BICD1: variants seen among roughly 807,000 people sequenced by gnomAD.
BICD1 encodes protein bicaudal D homolog 1.
BICD1 carries 35 observed loss-of-function variants against 92.5 expected under a neutral mutation model. The observed-to-expected ratio is 0.38, with a 90% CI of 0.29 to 0.50. The LOEUF is 0.50. BICD1 is among the 20% of genes least tolerant of loss of function. The pLI, the probability that BICD1 is intolerant of heterozygous loss-of-function variation, is 0.93. For missense variants in BICD1, 950 were observed against 1,189.8 expected, an observed-to-expected ratio of 0.80 and a Z score of 2.97; for synonymous variants, 429 against 465.1, an observed-to-expected ratio of 0.92 and a Z score of 1.00.
chr12:32,346,431 C>T (rs1380918747), intron 8 of BICD1, among the ~76,000 whole-genome samples: 6 of 139,792 alleles, frequency 4.3e-5, no homozygotes, highest in South Asian at 4.7e-4. Flanking sequence ...GTGTGGGGAT[C>T]GCTTGAGCCC....
At chr12:32,346,635 C>A (rs1176788926) in intron 8 of BICD1, among the ~76,000 whole-genome samples, 1 of 25,146 alleles carries the variant, frequency 4.0e-5, no homozygotes, top group Admixed American at 7.9e-4. Flanking sequence ...TATATATATA[C>A]GTGTATATAT....
chr12:32,243,488 T>C (rs187963510), intron 2 of BICD1, among the ~76,000 whole-genome samples: 39 of 152,156 alleles, frequency 2.6e-4, no homozygotes, highest in African/African-American at 7.9e-4. Flanking sequence ...TTAAAAATAA[T>C]TGATCAAATG....
At chr12:32,298,560 G>A (rs1387061077) in intron 3 of BICD1, among the ~76,000 whole-genome samples, 11 of 60,494 alleles carry the variant, frequency 1.8e-4, no homozygotes, top group African/African-American at 8.2e-4. Context: ...GTGAGACTCC[G>A]ATCCACCTCA....
At chr12:32,335,411 A>T (rs1374609460) in intron 6 of BICD1, among the ~76,000 whole-genome samples, 1 of 151,966 alleles carries the variant, frequency 6.6e-6, no homozygotes, top group African/African-American at 2.4e-5. Context: ...CGGCCTCCCA[A>T]AGTGCTGGGA....
At position 32,235,386 on chromosome 12, in the gene BICD1, G is replaced by A. The variant is rs375844393; in HGVS notation, c.426+18927G>A. ...AAAATCTTGTATCATCTTTGAATTA[G>A]TCTTTTGTTGGTCGTGCGTTCCAAT... On this transcript the variant is annotated intron_variant, in intron 2 of 9. Transcript: ENST00000652176. 1.1e-4 allele frequency among the ~76,000 whole-genome samples: 17 copies of A among 152,246 alleles called. No homozygotes were observed. The East Asian group carries it at 2.9e-3, about 26-fold the overall frequency.
intron 9 of BICD1, among the ~76,000 whole-genome samples, chr12:32,373,147 C>T (rs561057899): frequency 6.6e-6 from 1 of 152,148 alleles, no homozygotes; most frequent in South Asian, 2.1e-4. Flanking sequence ...GCTTCCTAAA[C>T]TTGCCATTTA....
intron 2 of BICD1, among the ~76,000 whole-genome samples, chr12:32,284,059 C>T (rs1418573117): frequency 1.3e-5 from 2 of 152,234 alleles, no homozygotes; most frequent in African/African-American, 2.4e-5. Flanking sequence ...GCCTTCTTGG[C>T]CCCAACACAG....
intron 1 of BICD1, among the ~76,000 whole-genome samples, chr12:32,190,336 T>C (rs1488839782): frequency 6.6e-6 from 1 of 152,162 alleles, no homozygotes; most frequent in Non-Finnish European, 1.5e-5. Context: ...TCTAACAATA[T>C]TCGTGTGTAC....
In BICD1 at chr12:32,181,543, A is replaced by G. The variant is rs558581133; in HGVS notation, c.214-34704A>G. Among the ~76,000 whole-genome samples, 19 of 152,106 alleles carry G rather than the reference A, an allele frequency of 1.2e-4. 1 individual carries two copies. The highest frequency in any genetic ancestry group is 3.4e-3 in the Middle Eastern group (1 of 294). ...TTGATTTTTTTTCTCTAACATTTGA[A>G]ATCATTAAAAGTTACTATCAGGAGC... On this transcript the variant is annotated intron_variant, in intron 1 of 9. Transcript: ENST00000652176.
chr12:32,322,411 C>A (rs1948683335), intron 4 of BICD1, among the ~76,000 whole-genome samples: 1 of 152,150 alleles, frequency 6.6e-6, no homozygotes, highest in Non-Finnish European at 1.5e-5. Flanking sequence ...TGGTCTGGGG[C>A]CATTAGATCT....
At chr12:32,314,293 G>C (rs975980242) in intron 4 of BICD1, among the ~76,000 whole-genome samples, 6 of 152,196 alleles carry the variant, frequency 3.9e-5, no homozygotes, top group Admixed American at 3.9e-4. Context: ...TAATACTAGA[G>C]GTGGAAATGC....
intron 1 of BICD1, among the ~76,000 whole-genome samples, chr12:32,117,767 TA>T (rs749103316): frequency 1.0e-3 from 151 of 145,702 alleles, no homozygotes; most frequent in Admixed American, 2.8e-3. Flanking sequence ...TATTTTTTTT[TA>T]AGACCATATT....
At chr12:32,108,703 A>G (rs1161835282) in intron 1 of BICD1, 4 of 693,530 alleles carry the variant, frequency 5.8e-6, no homozygotes, top group Admixed American at 4.1e-5. Flanking sequence ...AGTGTGTAAT[A>G]TGGTAAGCAT....
chr12:32,257,600 T>C (rs1946754969), intron 2 of BICD1, among the ~76,000 whole-genome samples: 1 of 152,198 alleles, frequency 6.6e-6, no homozygotes, highest in African/African-American at 2.4e-5. Flanking sequence ...AAGCTAAAGA[T>C]GTATAGATCC....
chr12:32,336,926 A>G (rs1938151257), intron 6 of BICD1, among the ~76,000 whole-genome samples: 1 of 152,168 alleles, frequency 6.6e-6, no homozygotes, highest in South Asian at 2.1e-4. Context: ...AGTCTGGGCA[A>G]CACAGTGAGA....
chr12:32,238,687 G>A (rs1241803303), intron 2 of BICD1, among the ~76,000 whole-genome samples: 1 of 152,160 alleles, frequency 6.6e-6, no homozygotes, highest in African/African-American at 2.4e-5. Flanking sequence ...GCTCACGCCT[G>A]TAATCCCAGC....
intron 9 of BICD1, among the ~76,000 whole-genome samples, chr12:32,369,680 C>A (rs1939657124): frequency 6.6e-6 from 1 of 151,748 alleles, no homozygotes; most frequent in South Asian, 2.1e-4. Context: ...TGGCTTGAAC[C>A]CAGAACTTCA....
Position 32,107,140 on chromosome 12 carries a change from C to G in BICD1, c.-192C>G. ...CTGCCCTGTTCTCCATGTTGCATTT[C>G]TCGTCAGTTTCTCGGGCGGTGTAGC... On this transcript the variant is annotated 5_prime_UTR_variant, in exon 1 of 10. Transcript: ENST00000652176. The G allele has an allele frequency of 1.6e-6, 1 of 614,672 alleles. No homozygotes were observed. Among genetic ancestry groups the G allele is most frequent in the South Asian group, 2.0e-5 (1 of 51,008 alleles). 38.1% of individuals were successfully genotyped at this position (614,672 alleles called of 1,614,324 possible).
chr12:32,212,581 C>T lies in BICD1; in HGVS notation c.214-3666C>T, dbSNP rs573008190. Among the ~76,000 whole-genome samples the T allele has an allele frequency of 1.6e-4, 25 of 152,276 alleles. 1 individual carries two copies. Among genetic ancestry groups the T allele is most frequent in the Middle Eastern group, 3.4e-3 (1 of 294 alleles). ...CTGGGATTACAGGCATGCACAAGCA[C>T]GCCCAGCTAATCTTTGTATTTTAAC... On this transcript the variant is annotated intron_variant, in intron 1 of 9. Transcript: ENST00000652176.
Sources: allele counts gnomAD v4.1 joint callset (sites outside exome capture counted in the v4.1 genomes callset), GRCh38; gene constraint gnomAD v4.1.1; transcripts MANE v1.5; gene names NCBI Gene and HGNC (gene_info 2026-07-23, HGNC 2026-07-21).